MYRFL: variants seen among roughly 807,000 people sequenced by gnomAD.
MYRFL encodes the protein myelin regulatory factor like, also known as myelin regulatory factor-like protein.
In MYRFL, 88 loss-of-function variants were observed where a neutral mutation model predicts 109.4. The observed-to-expected ratio is 0.80, with a 90% CI of 0.68 to 0.96. MYRFL has a LOEUF of 0.96. Among genes scored for constraint, MYRFL ranks in the 40% least tolerant of loss-of-function variants. The probability of loss-of-function intolerance (pLI) is 0.00; values close to 1 mark genes in which losing one functional copy is unlikely to be tolerated. For synonymous variants in MYRFL, 324 were observed against 320.9 expected (o/e 1.01, Z -0.10); for missense variants, 957 against 954.9 (o/e 1.00, Z -0.03).
At chr12:69,908,955 T>G (rs1954465633) in intron 11 of MYRFL, among the ~76,000 whole-genome samples, 1 of 151,892 alleles carries the variant, frequency 6.6e-6, no homozygotes, top group Non-Finnish European at 1.5e-5. Flanking sequence ...TGTTGCTCCC[T>G]TCTATGTGTC....
intron 13 of MYRFL, among the ~76,000 whole-genome samples, chr12:69,914,969 G>T (rs1372344938): frequency 6.6e-6 from 1 of 152,196 alleles, no homozygotes; most frequent in Non-Finnish European, 1.5e-5. Flanking sequence ...TCTGATGATG[G>T]AGGAGAAGCC....
At chr12:69,897,883 G>A (rs1286090972) in intron 10 of MYRFL, among the ~76,000 whole-genome samples, 4 of 152,220 alleles carry the variant, frequency 2.6e-5, no homozygotes, top group Admixed American at 1.3e-4. Flanking sequence ...ACATTTTGCT[G>A]AATGAATGAT....
In MYRFL at chr12:69,955,429, G is replaced by T; in HGVS notation, c.2442G>T (p.Leu814=). The T allele has an allele frequency of 1.6e-6, 1 of 639,420 alleles. No homozygotes were observed. The highest frequency in any genetic ancestry group is 2.8e-6 in the Non-Finnish European group (1 of 358,800). 39.6% of individuals were successfully genotyped at this position (639,420 alleles called of 1,614,324 possible). Reference sequence around the variant, plus strand: ...CACCCACCAATGTCAAGTTCTCTCTGGAAATAAAGTAAGTGCATGGCTGTA... The same window carrying T: ...CACCCACCAATGTCAAGTTCTCTCTTGAAATAAAGTAAGTGCATGGCTGTA... ...KHTPTNVKFS[L]EINTTEPLIV... is the part of the protein sequence containing the mutation. The change falls in exon 22 of 25, where the codon CTG becomes CTT. Residue 814 remains leucine, a synonymous_variant. Transcript: ENST00000552032.
intron 1 of MYRFL, among the ~76,000 whole-genome samples, chr12:69,850,069 A>G (rs1007088003): frequency 2.3e-4 from 35 of 152,174 alleles, no homozygotes; most frequent in Non-Finnish European, 1.9e-4. Flanking sequence ...GTGATAGTGA[A>G]TGAATTTCAT....
chr12:69,903,290 A>G (rs1270254670), intron 10 of MYRFL, among the ~76,000 whole-genome samples: 1 of 152,232 alleles, frequency 6.6e-6, no homozygotes, highest in Non-Finnish European at 1.5e-5. Flanking sequence ...CTGATTTTAA[A>G]TCATGATGAT....
At chr12:69,891,616 T>TTTCTTTCTTTTG (rs1886841961) in intron 7 of MYRFL, among the ~76,000 whole-genome samples, 1 of 117,744 alleles carries the variant, frequency 8.5e-6, no homozygotes, top group Non-Finnish European at 1.7e-5. Flanking sequence ...TCTTTCTTTC[T>TTTCTTTCTTTTG]TTCTTTCCTC....
chr12:69,879,379 C>G lies in MYRFL; in HGVS notation c.390C>G (p.Pro130=), dbSNP rs552415873. The part of the protein sequence containing the change: ...CHSNASHLAT[P]LDQSVSSHLG... ...CAAACGCCAGTCATCTTGCCACCCC[C>G]CTGGACCAATCCGTGTCCTCCCATC... Residue 130 remains proline (P), a synonymous_variant, in exon 4 of 25, where the codon CCC becomes CCG. Transcript: ENST00000552032. 2.9e-4 allele frequency: 205 copies of G among 702,938 alleles called. 1 individual carries two copies. In the East Asian group the frequency reaches 5.4e-3, roughly 18 times the overall value. The allele number at this position is 702,938 out of a possible 1,614,324, so 43.5% of individuals were successfully genotyped here.
intron 22 of MYRFL, among the ~76,000 whole-genome samples, chr12:69,957,192 A>G (rs1009659834): frequency 2.0e-5 from 3 of 152,188 alleles, no homozygotes; most frequent in Admixed American, 1.3e-4. Context: ...CAACTCTGAT[A>G]GCTTTAAAAT....
rs573934331 is a variant in MYRFL at position 69,877,453 on chromosome 12, T to C, written c.138-1575T>C. On this transcript the variant is annotated intron_variant, in intron 2 of 24. Coordinates refer to ENST00000552032, the MANE Select transcript of MYRFL (RefSeq NM_182530.3). ...GAGTTTTGTTTGATTGGAAAACTTC[T>C]TGTTGGATCCCTCTGTTCCCTCCAC... Among the ~76,000 whole-genome samples, 12 of 152,316 alleles carry C rather than the reference T, an allele frequency of 7.9e-5. No homozygotes were observed. In the East Asian group the frequency reaches 2.3e-3, roughly 29 times the overall value.
At chr12:69,872,066 C>CG (rs757387994) in intron 2 of MYRFL, among the ~76,000 whole-genome samples, 1 of 152,112 alleles carries the variant, frequency 6.6e-6, no homozygotes, top group Admixed American at 6.5e-5. Context: ...TTTTGAAACT[C>CG]TGTTATTAAG....
At chr12:69,935,938 A>G (rs1416493413) in intron 16 of MYRFL, 175 bp from the exon 17 acceptor site, 23 of 702,474 alleles carry the variant, frequency 3.3e-5, no homozygotes, top group Middle Eastern at 2.4e-4. Flanking sequence ...GCAGAAAAGC[A>G]TAACTGTGCT....
chr12:69,915,342 C>A (rs1954698843), intron 13 of MYRFL, among the ~76,000 whole-genome samples: 1 of 152,110 alleles, frequency 6.6e-6, no homozygotes, highest in East Asian at 1.9e-4. Context: ...ATTCTTCACT[C>A]CATTTCTGTC....
chr12:69,873,123 A>G (rs1020558038), intron 2 of MYRFL, among the ~76,000 whole-genome samples: 3 of 152,202 alleles, frequency 2.0e-5, no homozygotes, highest in African/African-American at 7.2e-5. Context: ...CATGAATAGA[A>G]GATTAATTCT....
At chr12:69,875,974 C>T (rs901547487) in intron 2 of MYRFL, among the ~76,000 whole-genome samples, 2 of 152,130 alleles carry the variant, frequency 1.3e-5, no homozygotes, top group African/African-American at 4.8e-5. Flanking sequence ...AACTTTGTCT[C>T]GGGAAGTAAC....
rs1565997780 is a variant in MYRFL at position 69,886,875 on chromosome 12, C to T, written c.612C>T (p.Asn204=). ...AGGACCCTGACAGTGAGGGACAGAA[C>T]AGAATGCCTACAGACCAGTGCTCTC... ...EVQDPDSEGQ[N]RMPTDQCSPA... The change falls in exon 6 of 25, where the codon AAC becomes AAT. Residue 204 remains asparagine (N), a synonymous_variant. Transcript: ENST00000552032. The T allele has an allele frequency of 6.5e-7, 1 of 1,535,922 alleles. No individual in the cohort carries two copies. The highest frequency in any genetic ancestry group is 8.7e-7 in the Non-Finnish European group (1 of 1,146,734).
At chr12:69,832,102 T>A (rs1882663668) in intron 1 of MYRFL, among the ~76,000 whole-genome samples, 1 of 152,128 alleles carries the variant, frequency 6.6e-6, no homozygotes, top group African/African-American at 2.4e-5. Flanking sequence ...AAACTAGTAT[T>A]AAAAGTTGTA....
intron 11 of MYRFL, among the ~76,000 whole-genome samples, chr12:69,906,187 A>G (rs1325854157): frequency 6.6e-6 from 1 of 152,198 alleles, no homozygotes; most frequent in East Asian, 1.9e-4. Context: ...CTTTGTGGAT[A>G]TTAAGAACAT....
chr12:69,949,699 T>C (rs1171352968), intron 19 of MYRFL, among the ~76,000 whole-genome samples: 3 of 152,118 alleles, frequency 2.0e-5, no homozygotes, highest in African/African-American at 7.2e-5. Flanking sequence ...GTTAGTGTAT[T>C]TTATGTGTGG....
intron 11 of MYRFL, among the ~76,000 whole-genome samples, chr12:69,908,607 C>T (rs2120381235): frequency 6.6e-6 from 1 of 152,318 alleles, no homozygotes; most frequent in East Asian, 1.9e-4. Context: ...AGAATATTTT[C>T]AACACCTCCT....
Sources: allele counts gnomAD v4.1 joint callset (sites outside exome capture counted in the v4.1 genomes callset), GRCh38; gene constraint gnomAD v4.1.1; transcripts MANE v1.5; gene names NCBI Gene and HGNC (gene_info 2026-07-23, HGNC 2026-07-21).